CAST: variants seen among roughly 807,000 people sequenced by gnomAD.
The protein encoded by CAST is calpastatin, also known as MIR583 host.
In CAST, 76 loss-of-function variants were observed where a neutral mutation model predicts 119.6. The ratio of observed to expected loss-of-function variants is 0.64; its 90% CI spans 0.53 to 0.77. The LOEUF (loss-of-function observed/expected upper bound fraction) is 0.77. Among genes scored for constraint, CAST ranks in the 30% least tolerant of loss-of-function variants. CAST has a pLI of 0.00. For missense variants in CAST, 953 were observed against 946.5 expected (o/e 1.01, Z -0.09); for synonymous variants, 319 against 331.6 (o/e 0.96, Z 0.41).
At chr5:96,062,550 T>C in the CAST span, among the ~76,000 whole-genome samples, 1 of 152,126 alleles carries the variant, frequency 6.6e-6, no homozygotes, top group African/African-American at 2.4e-5. Context: ...ATGAACACTT[T>C]TATCAAGGGC....
intron 27 of CAST, 28 bp from the exon 28 acceptor site, chr5:96,767,410 T>C (rs1770385491): frequency 2.5e-6 from 4 of 1,596,296 alleles, no homozygotes; most frequent in Admixed American, 1.7e-5. Flanking sequence ...ATATCTATGC[T>C]TAACCAATAG....
At chr5:96,646,908 C>T (rs765770570) in intron 1 of CAST, among the ~76,000 whole-genome samples, 47 of 152,172 alleles carry the variant, frequency 3.1e-4, no homozygotes, top group Non-Finnish European at 2.8e-4. Context: ...CTTAGCCAAA[C>T]GATAGGAGGT....
At chr5:96,572,449 C>T (rs552917891) in intron 1 of CAST, among the ~76,000 whole-genome samples, 4 of 152,202 alleles carry the variant, frequency 2.6e-5, no homozygotes, top group Non-Finnish European at 4.4e-5. Context: ...GATCTGCCCA[C>T]CTCGGCCTCC....
At chr5:96,400,317 G>A in the CAST span, 4 of 715,872 alleles carry the variant, frequency 5.6e-6, no homozygotes, top group Non-Finnish European at 1.0e-5. Context: ...TGTTATTCTA[G>A]TGTCTATTAC....
At chr5:96,074,137 C>T in the CAST span, among the ~76,000 whole-genome samples, 3 of 152,186 alleles carry the variant, frequency 2.0e-5, no homozygotes, top group Non-Finnish European at 4.4e-5. Flanking sequence ...TAACTGTTGG[C>T]ACCTGCTACC....
At chr5:96,771,610 G>T (rs1772365924) in intron 30 of CAST, 34 bp from the exon 31 acceptor site, 1 of 1,591,472 alleles carries the variant, frequency 6.3e-7, no homozygotes, top group African/African-American at 1.3e-5. Flanking sequence ...ATACAGAAAA[G>T]AAAGCTCACG....
At chr5:96,044,468 C>A in the CAST span, among the ~76,000 whole-genome samples, 2 of 152,148 alleles carry the variant, frequency 1.3e-5, no homozygotes, top group Admixed American at 1.3e-4. Flanking sequence ...ACTTTCTAGC[C>A]TCCAGTACTA....
chr5:96,417,395 T>C, the CAST span, among the ~76,000 whole-genome samples: 1 of 152,152 alleles, frequency 6.6e-6, no homozygotes, highest in Non-Finnish European at 1.5e-5. Flanking sequence ...AGCATTTTCC[T>C]GTTTGGGGAA....
chr5:96,346,872 A>G, the CAST span, among the ~76,000 whole-genome samples: 3 of 152,280 alleles, frequency 2.0e-5, no homozygotes, highest in Admixed American at 2.0e-4. Flanking sequence ...TTTGAATAGT[A>G]GGTGTGAATT....
At chr5:96,109,227 A>C in the CAST span, among the ~76,000 whole-genome samples, 1 of 152,182 alleles carries the variant, frequency 6.6e-6, no homozygotes, top group Non-Finnish European at 1.5e-5. Context: ...AGCTGTTCCT[A>C]TTTGGCCATC....
the CAST span, among the ~76,000 whole-genome samples, chr5:96,212,193 G>T: frequency 1.3e-5 from 2 of 151,616 alleles, no homozygotes; most frequent in African/African-American, 4.8e-5. Context: ...TCTTTTCTTT[G>T]TCTAGGTTCT....
chr5:96,568,564 CAAAAAAAAAAAAAA>C (rs70981830), intron 1 of CAST, among the ~76,000 whole-genome samples: 2 of 70,920 alleles, frequency 2.8e-5, no homozygotes, highest in South Asian at 6.2e-4. Flanking sequence ...GACTCCATCT[CAAAAAAAAAAAAAA>C]AAAAAAAAAA....
At chr5:96,656,540 A>G (rs1446541439) in intron 1 of CAST, among the ~76,000 whole-genome samples, 2 of 152,174 alleles carry the variant, frequency 1.3e-5, no homozygotes, top group East Asian at 1.9e-4. Flanking sequence ...CAGTTTCCAC[A>G]GTGAAGCCCA....
the CAST span, among the ~76,000 whole-genome samples, chr5:96,150,422 A>G: frequency 6.6e-6 from 1 of 152,168 alleles, no homozygotes; most frequent in African/African-American, 2.4e-5. Context: ...CCCTCACTGC[A>G]GGGAGGAGCT....
the CAST span, among the ~76,000 whole-genome samples, chr5:96,114,727 G>A: frequency 6.6e-5 from 10 of 152,188 alleles, no homozygotes; most frequent in African/African-American, 9.7e-5. Context: ...TGGGAGAAGC[G>A]TAATGGAGTT....
the CAST span, among the ~76,000 whole-genome samples, chr5:96,382,549 G>C: frequency 6.6e-6 from 1 of 152,092 alleles, no homozygotes; most frequent in Non-Finnish European, 1.5e-5. Flanking sequence ...ATATTTAATG[G>C]CTATTGCATA....
the CAST span, among the ~76,000 whole-genome samples, chr5:96,182,766 T>C: frequency 1.3e-5 from 2 of 152,220 alleles, no homozygotes; most frequent in Non-Finnish European, 2.9e-5. Context: ...CTACTTTTCT[T>C]CCATTTCTAA....
chr5:96,387,333 C>T, the CAST span, among the ~76,000 whole-genome samples: 12 of 152,164 alleles, frequency 7.9e-5, no homozygotes, highest in African/African-American at 2.9e-4. Context: ...AGCAGGTTCA[C>T]GGCCATTCAT....
the CAST span, among the ~76,000 whole-genome samples, chr5:96,168,548 C>T: frequency 1.0e-3 from 156 of 152,166 alleles, 1 homozygote; most frequent in East Asian, 5.0e-3. Context: ...CGGGGCAGAG[C>T]GGTAGCCTCA....
Sources: allele counts gnomAD v4.1 joint callset (sites outside exome capture counted in the v4.1 genomes callset), GRCh38; gene constraint gnomAD v4.1.1; transcripts MANE v1.5; gene names NCBI Gene and HGNC (gene_info 2026-07-23, HGNC 2026-07-21).